Variants in PRMT8 observed in about 807,000 individuals in gnomAD.
The protein encoded by PRMT8 is protein arginine N-methyltransferase 8.
PRMT8 carries 7 observed loss-of-function variants against 47.1 expected under a neutral mutation model. The observed-to-expected ratio is 0.15, with a 90% confidence interval of 0.08 to 0.28. The LOEUF is 0.28. Among genes scored for constraint, PRMT8 ranks in the 10% least tolerant of loss-of-function variants. The pLI, the probability that PRMT8 is intolerant of heterozygous loss-of-function variation, is 1.00. For missense variants in PRMT8, 237 were observed against 505.4 expected (o/e 0.47, Z 5.09); for synonymous variants, 188 against 186.5 (o/e 1.01, Z -0.07).
intron 1 of PRMT8, chr12:3,381,464 T>C (rs1305937910): frequency 1.3e-6 from 2 of 1,534,982 alleles, no homozygotes; most frequent in African/African-American, 1.4e-5. Context: ...TGTATGGTAA[T>C]TTCTTTCCTT....
chr12:3,584,306 C>T (rs745365192), intron 8 of PRMT8, among the ~76,000 whole-genome samples: 1 of 152,216 alleles, frequency 6.6e-6, no homozygotes, highest in Non-Finnish European at 1.5e-5. Context: ...TTAATCACCT[C>T]TTTTAAAGCC....
chr12:3,587,665 C>T (rs1416848684), intron 8 of PRMT8, among the ~76,000 whole-genome samples: 1 of 152,120 alleles, frequency 6.6e-6, no homozygotes, highest in Non-Finnish European at 1.5e-5. Context: ...AAAGTTTTAT[C>T]ACATGGATGT....
chr12:3,534,596 T>A (rs1866087292), intron 1 of PRMT8, among the ~76,000 whole-genome samples: 1 of 152,206 alleles, frequency 6.6e-6, no homozygotes, highest in South Asian at 2.1e-4. Context: ...TGACACCTAT[T>A]GTCTGCTCTC....
intron 2 of PRMT8, among the ~76,000 whole-genome samples, chr12:3,548,490 C>A (rs984562813): frequency 6.6e-6 from 1 of 152,062 alleles, no homozygotes; most frequent in Non-Finnish European, 1.5e-5. Flanking sequence ...AAGAACAAGA[C>A]AAACAGTTCA....
intron 2 of PRMT8, among the ~76,000 whole-genome samples, chr12:3,541,520 C>T (rs1443314997): frequency 1.3e-5 from 2 of 152,188 alleles, no homozygotes; most frequent in East Asian, 1.9e-4. Context: ...GTTCTAAGCA[C>T]ATTATACGTA....
intron 1 of PRMT8, among the ~76,000 whole-genome samples, chr12:3,404,479 A>C (rs1001361094): frequency 6.6e-6 from 1 of 152,220 alleles, no homozygotes; most frequent in African/African-American, 2.4e-5. Flanking sequence ...CCAGGTCAAG[A>C]AATAGAACAT....
intron 8 of PRMT8, among the ~76,000 whole-genome samples, chr12:3,586,171 G>A (rs1252153299): frequency 6.6e-6 from 1 of 152,156 alleles, no homozygotes; most frequent in East Asian, 1.9e-4. Context: ...GCTGGACCCT[G>A]TCTAGAGATG....
chr12:3,558,961 C>CCTATCTATCTATCTATCTATCTAT (rs61644721), intron 4 of PRMT8, among the ~76,000 whole-genome samples: 43 of 150,110 alleles, frequency 2.9e-4, no homozygotes, highest in Middle Eastern at 3.4e-3. Context: ...TATCTATCTA[C>CCTATCTATCTATCTATCTATCTAT]CTATCTATCT....
intron 1 of PRMT8, among the ~76,000 whole-genome samples, chr12:3,394,904 A>C (rs1396744375): frequency 6.6e-6 from 1 of 151,520 alleles, no homozygotes; most frequent in African/African-American, 2.4e-5. Context: ...TTATTGGTCT[A>C]TTCAGAGATT....
chr12:3,568,264 G>A (rs1228142112), intron 4 of PRMT8, among the ~76,000 whole-genome samples: 1 of 152,066 alleles, frequency 6.6e-6, no homozygotes, highest in African/African-American at 2.4e-5. Context: ...ATAGGCTGAG[G>A]AGGAGGGAGA....
rs1029773809 is a variant in PRMT8 at position 3,580,997 on chromosome 12, C to G, written c.829-2061C>G. Among the ~76,000 whole-genome samples the G allele has an allele frequency of 6.6e-6, 1 of 152,158 alleles. No individual in the cohort carries two copies. The highest frequency in any genetic ancestry group is 2.1e-4 in the South Asian group (1 of 4,828). On this transcript the variant is annotated intron_variant, in intron 7 of 9. Transcript: ENST00000382622. This position sits in a 1 kb window ranked among gnomAD's most constrained non-coding sequence, Gnocchi z 4.6. Reference sequence around the variant, plus strand: ...TTTCCTAGATTTGAGCAATGGCCCACGCTAACAGATGACATGTAATGAAGG... The same window carrying G: ...TTTCCTAGATTTGAGCAATGGCCCAGGCTAACAGATGACATGTAATGAAGG...
Position 3,422,605 on chromosome 12 carries a change from A to G in PRMT8, c.48+41163A>G, listed in dbSNP as rs1864555742. ...CTGGGGGCTGCATGCACCAGTAATC[A>G]GGACGGAACAGAACAGAACAGAACA... On this transcript the variant is annotated intron_variant, in intron 1 of 9. Transcript: ENST00000452611. Among the ~76,000 whole-genome samples, 3 of 152,228 alleles carry G rather than the reference A, an allele frequency of 2.0e-5. No individual in the cohort carries two copies. In the South Asian group the frequency reaches 6.2e-4, roughly 31 times the overall value.
Position 3,593,258 on chromosome 12 carries a change from C to A in PRMT8, c.*76C>A. 2 of 1,263,870 alleles carry A rather than the reference C, an allele frequency of 1.6e-6. No homozygotes were observed. The highest frequency in any genetic ancestry group is 1.3e-5 in the South Asian group (1 of 78,610). 78.3% of individuals were successfully genotyped at this position (1,263,870 alleles called of 1,614,324 possible). On this transcript the variant is annotated 3_prime_UTR_variant, in exon 10 of 10. Transcript: ENST00000382622. This position sits in a 1 kb window ranked among gnomAD's most constrained non-coding sequence, Gnocchi z 4.8. ...TCTGCCGTGCCGTCCCAAAGAATAC[C>A]GTTTGCAGGACTACACACTTGAAAA...
At chr12:3,420,915 G>A (rs1013651569) in intron 1 of PRMT8, among the ~76,000 whole-genome samples, 1 of 152,196 alleles carries the variant, frequency 6.6e-6, no homozygotes, top group African/African-American at 2.4e-5. Context: ...GCAGTTCCGT[G>A]GGGAAGGGTG....
intron 1 of PRMT8, among the ~76,000 whole-genome samples, chr12:3,439,708 T>C (rs1225901404): frequency 1.3e-5 from 2 of 152,176 alleles, no homozygotes; most frequent in Non-Finnish European, 2.9e-5. Flanking sequence ...GGGGTTCACA[T>C]GAGAAACAAA....
At chr12:3,464,283 C>CA (rs34253122) in intron 1 of PRMT8, among the ~76,000 whole-genome samples, 27 of 147,960 alleles carry the variant, frequency 1.8e-4, no homozygotes, top group Non-Finnish European at 3.3e-4. Context: ...AAAAAAAAAA[C>CA]AAACTGCACA....
intron 1 of PRMT8, among the ~76,000 whole-genome samples, chr12:3,484,201 A>C (rs1865300775): frequency 6.6e-6 from 1 of 152,084 alleles, no homozygotes; most frequent in African/African-American, 2.4e-5. Flanking sequence ...TGGCCATCAG[A>C]GTTGAATTTT....
At chr12:3,411,116 G>T (rs1004883808) in intron 1 of PRMT8, among the ~76,000 whole-genome samples, 2 of 152,126 alleles carry the variant, frequency 1.3e-5, no homozygotes, top group African/African-American at 2.4e-5. Context: ...TAGCTCTTTG[G>T]GGTCCCAGCT....
At chr12:3,430,976 A>C (rs565857802) in intron 1 of PRMT8, among the ~76,000 whole-genome samples, 1 of 152,324 alleles carries the variant, frequency 6.6e-6, no homozygotes, top group East Asian at 1.9e-4. Context: ...GGGCAGTGCC[A>C]GGCAGGTGTG....
Sources: gnomAD v4.1 joint callset for allele counts (sites outside exome capture counted in the v4.1 genomes callset) on GRCh38, gnomAD v4.1.1 for gene constraint, Gnocchi (gnomAD v3.1) non-coding constraint, MANE v1.5 for transcripts, NCBI Gene and HGNC (gene_info 2026-07-23, HGNC 2026-07-21) for gene names.